COL6A5: variants seen among roughly 807,000 people sequenced by gnomAD.
COL6A5 encodes collagen type VI alpha 5 chain.
A neutral mutation model predicts 65.6 loss-of-function variants in COL6A5; 48 were observed. That is an observed-to-expected ratio of 0.73 (90% CI 0.58 to 0.93). The LOEUF is 0.93. COL6A5 is among the 40% of genes least tolerant of loss of function. The pLI, the probability that COL6A5 is intolerant of heterozygous loss-of-function variation, is 0.00. For synonymous variants in COL6A5, 291 were observed against 322.8 expected, an observed-to-expected ratio of 0.90 and a Z score of 1.05; for missense variants, 914 against 928.3, an observed-to-expected ratio of 0.98 and a Z score of 0.20.
chr3:130,362,316 ATATATATATATTTTTT>A (rs1158859215), intron 1 of COL6A5, among the ~76,000 whole-genome samples: 5,141 of 16,246 alleles, frequency 0.32, 271 homozygotes, highest in South Asian at 0.43. Context: ...ATATATATAT[ATATATATATATTTTTT>A]TTTTTTTTTT....
chr3:130,391,039 A>G, intron 6 of COL6A5, 140 bp from the exon 7 acceptor site: 3 of 662,654 alleles, frequency 4.5e-6, no homozygotes, highest in Admixed American at 3.0e-5. Context: ...AAATGGCAGC[A>G]GCCACCTCTA....
chr3:130,432,654 G>T (rs7648579), intron 1 of COL6A5, among the ~76,000 whole-genome samples: 108,249 of 151,724 alleles, frequency 0.71, 38,918 homozygotes, highest in Non-Finnish European at 0.73. Flanking sequence ...CTATGTGATA[G>T]AAAGGACCAT....
chr3:130,410,383 A>T, intron 19 of COL6A5, 88 bp from the exon 20 acceptor site: 2 of 921,304 alleles, frequency 2.2e-6, no homozygotes, highest in Non-Finnish European at 3.4e-6. Flanking sequence ...CTGCCATTTT[A>T]ATAGTGCTTG....
intron 23 of COL6A5, among the ~76,000 whole-genome samples, chr3:130,416,226 A>G (rs1453906864): frequency 6.6e-6 from 1 of 152,130 alleles, no homozygotes; most frequent in Non-Finnish European, 1.5e-5. Flanking sequence ...AAATCTATTC[A>G]GTTCTGCTCA....
chr3:130,395,398 T>C (rs1936560349), exon 8 of COL6A5: 1 of 1,547,520 alleles, frequency 6.5e-7, no homozygotes, highest in Admixed American at 2.0e-5. Flanking sequence ...AAGACTTTGA[T>C]AAATTAAAGA....
chr3:130,355,954 A>G (rs1367388118), intron 1 of COL6A5, among the ~76,000 whole-genome samples: 1 of 152,204 alleles, frequency 6.6e-6, no homozygotes, highest in African/African-American at 2.4e-5. Flanking sequence ...CCCAAGAGGA[A>G]GCAGGGTTTA....
intron 10 of COL6A5, among the ~76,000 whole-genome samples, chr3:130,400,006 G>A (rs1223274151): frequency 5.3e-5 from 8 of 151,780 alleles, no homozygotes; most frequent in African/African-American, 1.9e-4. Context: ...CAGGTGATCC[G>A]CCCACCTCGG....
chr3:130,391,770 T>G lies in COL6A5; in HGVS notation c.2992+16T>G. ...GCACCAGAGGGTAAGTTGTTACTTT[T>G]AAAGTTTCTATGGGGGTAGCAATAA... On this transcript the variant is annotated intron_variant and NMD_transcript_variant, in intron 7 of 41. Transcript: ENST00000312481. The G allele has an allele frequency of 6.6e-7, 1 of 1,520,500 alleles. No individual in the cohort carries two copies. Among genetic ancestry groups the G allele is most frequent in the Non-Finnish European group, 8.8e-7 (1 of 1,130,722 alleles). 94.2% of individuals were successfully genotyped at this position (1,520,500 alleles called of 1,614,324 possible).
chr3:130,471,576 C>A, intron 7 of COL6A5, 106 bp from the exon 40 acceptor site: 1 of 1,043,180 alleles, frequency 9.6e-7, no homozygotes, highest in Non-Finnish European at 1.4e-6. Context: ...CTATTCCAAT[C>A]ACATACATAA....
chr3:130,416,744 A>ATT lies in COL6A5; in HGVS notation c.4825-5_4825-4dup. The ATT allele has an allele frequency of 5.0e-6, 7 of 1,404,042 alleles. No individual in the cohort carries two copies. Among genetic ancestry groups the ATT allele is most frequent in the Admixed American group, 2.2e-5 (1 of 45,504 alleles). 87.0% of individuals were successfully genotyped at this position (1,404,042 alleles called of 1,614,324 possible). A position where few individuals can be genotyped will look rare whatever the true frequency, so the allele number is the denominator to read the frequency against. On this transcript the variant is annotated splice_polypyrimidine_tract_variant and intron_variant and NMD_transcript_variant, in intron 23 of 41. Coordinates refer to the COL6A5 transcript ENST00000312481. ...TACGGTGCCAACATTTTAGTCTCTA[A>ATT]TTTTTTTTTCAGGGTTCTCCTGGGC... is the stretch of plus-strand genomic sequence containing the variant.
chr3:130,464,326 G>A (rs79866748), intron 5 of COL6A5, among the ~76,000 whole-genome samples: 5,406 of 151,812 alleles, frequency 0.036, 263 homozygotes, highest in African/African-American at 0.1. Context: ...GCAGAGATGA[G>A]TCCACTATGT....
At chr3:130,382,918 A>G (rs1936057187) in intron 4 of COL6A5, among the ~76,000 whole-genome samples, 1 of 152,112 alleles carries the variant, frequency 6.6e-6, no homozygotes, top group African/African-American at 2.4e-5. Context: ...CAAGTGGTAC[A>G]TTCTCTCCCT....
exon 1 of COL6A5, chr3:130,431,514 C>A: frequency 6.4e-7 from 1 of 1,551,480 alleles, no homozygotes. Flanking sequence ...TGGACAATTC[C>A]TACGATGTCA....
At chr3:130,439,593 T>C (rs1462686591) in exon 2 of COL6A5, 2 of 1,551,086 alleles carry the variant, frequency 1.3e-6, no homozygotes, top group South Asian at 2.4e-5. Context: ...TAGAAAGACT[T>C]CGGCGCTGTG....
chr3:130,465,629 G>A (rs1450082295), intron 5 of COL6A5, among the ~76,000 whole-genome samples: 7 of 152,006 alleles, frequency 4.6e-5, no homozygotes, highest in African/African-American at 1.7e-4. Flanking sequence ...CCAGAACTAA[G>A]CACATGGATA....
At chr3:130,393,067 G>GT (rs59517354) in intron 7 of COL6A5, among the ~76,000 whole-genome samples, 2,895 of 109,162 alleles carry the variant, frequency 0.027, 51 homozygotes, top group African/African-American at 0.033. Context: ...TGCTTACAGT[G>GT]TTTTTTTTTT....
At chr3:130,468,976 C>T in exon 6 of COL6A5, 2 of 1,612,794 alleles carry the variant, frequency 1.2e-6, no homozygotes, top group South Asian at 2.2e-5. Context: ...TTCACATTGC[C>T]CCCACTCCAC....
At chr3:130,408,106 C>T (rs775725740) in intron 17 of COL6A5, among the ~76,000 whole-genome samples, 1 of 152,090 alleles carries the variant, frequency 6.6e-6, no homozygotes, top group Non-Finnish European at 1.5e-5. Context: ...AGGATAACAG[C>T]GATTTTCAGG....
chr3:130,469,124 C>T (rs964452541), exon 6 of COL6A5: 2 of 1,613,086 alleles, frequency 1.2e-6, no homozygotes, highest in Non-Finnish European at 1.7e-6. Flanking sequence ...GAAACATCAT[C>T]TCCAAGACTC....
Sources: gnomAD v4.1 joint callset for allele counts (sites outside exome capture counted in the v4.1 genomes callset) on GRCh38, gnomAD v4.1.1 for gene constraint, MANE v1.5 for transcripts, NCBI Gene and HGNC (gene_info 2026-07-23, HGNC 2026-07-21) for gene names.